COL4A6: variants seen among roughly 807,000 people sequenced by gnomAD.
The protein encoded by COL4A6 is collagen type IV alpha 6 chain.
In COL4A6, 59 loss-of-function variants were observed where a neutral mutation model predicts 126.7. The observed-to-expected ratio is 0.47, with a 90% confidence interval of 0.38 to 0.58. The LOEUF (loss-of-function observed/expected upper bound fraction) is 0.58. Among genes scored for constraint, COL4A6 ranks in the 20% least tolerant of loss-of-function variants. The pLI is 0.00. For missense variants in COL4A6, 1,285 were observed against 1,337.3 expected (o/e 0.96, Z 0.61); for synonymous variants, 547 against 496.6 (o/e 1.10, Z -1.35).
intron 2 of COL4A6, among the ~76,000 whole-genome samples, chrX:108,422,465 C>T (rs1435270545): frequency 1.8e-5 from 2 of 111,670 alleles, no homozygotes; most frequent in Non-Finnish European, 1.9e-5. Context: ...AGAGACAGCA[C>T]TAAAAGGAAA....
At chrX:108,240,452 T>C (rs1488682852) in intron 3 of COL4A6, among the ~76,000 whole-genome samples, 2 of 112,206 alleles carry the variant, frequency 1.8e-5, no homozygotes, top group Admixed American at 1.9e-4. Context: ...AAATTACTAA[T>C]AAAAAAGATA....
Position 108,187,252 on chromosome X carries a change from C to T in COL4A6, c.1795G>A (p.Glu599Lys), listed in dbSNP as rs1169948317. The T allele has an allele frequency of 8.5e-7, 1 of 1,174,528 alleles. No homozygotes were observed. Among genetic ancestry groups the T allele is most frequent in the Non-Finnish European group, 1.1e-6 (1 of 873,477 alleles). Reference sequence around the variant, plus strand: ...CCAGGAAGTCCAGGTAACCCCTTTTCACCTGGGAAGCCCTGTCCACCATCA... The same window carrying T: ...CCAGGAAGTCCAGGTAACCCCTTTTTACCTGGGAAGCCCTGTCCACCATCA... ...PGDGGQGFPG[E>K]KGLPGLPGEK... is the part of the protein sequence containing the mutation. The change falls in exon 23 of 45, where the codon GAA becomes AAA. Residue 599 changes from glutamate (E) to lysine (K), a missense_variant. Physicochemically the swap from Glu to Lys is moderately conservative, Grantham distance 56. Coordinates refer to ENST00000334504, the MANE Select transcript of COL4A6 (RefSeq NM_033641.4).
chrX:108,183,636 G>A lies in COL4A6; in HGVS notation c.1952-2668C>T, dbSNP rs764944503. The A allele has an allele frequency of 8.5e-5, 54 of 637,064 alleles. No individual in the cohort carries two copies. In the African/African-American group the frequency reaches 8.6e-4, roughly 10 times the overall value. The allele number at this position is 637,064 out of a possible 1,213,427, so 52.5% of individuals were successfully genotyped here. A position where few individuals can be genotyped will look rare whatever the true frequency, so the allele number is the denominator to read the frequency against. ...CATCCAGTGTGGTGCTCAGGCCATCGTGACTGTCTGAGACAAAGGTAAACA... is the reference window on the plus strand; with the variant it reads ...CATCCAGTGTGGTGCTCAGGCCATCATGACTGTCTGAGACAAAGGTAAACA... On this transcript the variant is annotated intron_variant, in intron 23 of 44. Coordinates refer to ENST00000334504, the MANE Select transcript of COL4A6 (RefSeq NM_033641.4).
At chrX:108,215,515 T>C (rs1000520861) in intron 5 of COL4A6, among the ~76,000 whole-genome samples, 1 of 111,681 alleles carries the variant, frequency 9.0e-6, no homozygotes, top group Non-Finnish European at 1.9e-5. Flanking sequence ...CTCAGATCTA[T>C]GTCCTAGGAG....
At chrX:108,307,574 C>T (rs2038656261) in intron 3 of COL4A6, among the ~76,000 whole-genome samples, 1 of 112,320 alleles carries the variant, frequency 8.9e-6, no homozygotes, top group African/African-American at 3.2e-5. Flanking sequence ...GAAAAGTACA[C>T]ACTGCCCAGC....
chrX:108,343,021 C>A (rs1462132200), intron 2 of COL4A6, among the ~76,000 whole-genome samples: 10 of 106,311 alleles, frequency 9.4e-5, no homozygotes, highest in African/African-American at 3.5e-4. Flanking sequence ...CTAAGCAGTA[C>A]TTTTTTTAAT....
At chrX:108,360,767 A>T (rs1404736917) in intron 2 of COL4A6, among the ~76,000 whole-genome samples, 1 of 110,074 alleles carries the variant, frequency 9.1e-6, no homozygotes, top group African/African-American at 3.3e-5. Flanking sequence ...CGAACTCCTG[A>T]CCTCGTGATC....
chrX:108,161,617 A>G lies in COL4A6; in HGVS notation c.4333+2T>C. ...CCGCCTCCTAATGTGGCATCATCAG[A>G]CCTTCAAATCCTGGAGGGCCTTGCA... On this transcript the variant is annotated splice_donor_variant, in intron 42 of 44. Coordinates refer to ENST00000334504, the MANE Select transcript of COL4A6 (RefSeq NM_033641.4). LOFTEE classifies it high-confidence loss of function. 1 of 1,094,344 alleles carries G rather than the reference A, an allele frequency of 9.1e-7. No homozygotes were observed. Among genetic ancestry groups the G allele is most frequent in the Non-Finnish European group, 1.2e-6 (1 of 821,989 alleles). 90.2% of individuals were successfully genotyped at this position (1,094,344 alleles called of 1,213,427 possible).
intron 3 of COL4A6, among the ~76,000 whole-genome samples, chrX:108,223,227 T>C (rs993885382): frequency 1.0e-4 from 11 of 110,293 alleles, no homozygotes; most frequent in African/African-American, 3.6e-4. Flanking sequence ...TGCGGGCCTG[T>C]TGAGGGGTGG....
intron 3 of COL4A6, among the ~76,000 whole-genome samples, chrX:108,284,834 T>C (rs139948072): frequency 3.8e-4 from 43 of 112,253 alleles, no homozygotes; most frequent in African/African-American, 1.4e-3. Flanking sequence ...TCATAAAGCA[T>C]CAAGCTTCAA....
intron 2 of COL4A6, among the ~76,000 whole-genome samples, chrX:108,318,092 C>T (rs985775488): frequency 8.9e-6 from 1 of 111,765 alleles, no homozygotes; most frequent in African/African-American, 3.3e-5. Context: ...TAAATGTAAT[C>T]CAGCATATAA....
intron 3 of COL4A6, chrX:108,268,005 G>A (rs992144963): frequency 1.8e-5 from 2 of 111,914 alleles, no homozygotes; most frequent in African/African-American, 6.5e-5. Context: ...AAATGGGCTT[G>A]GCAAAAACAC....
intron 2 of COL4A6, among the ~76,000 whole-genome samples, chrX:108,410,105 G>C (rs141574359): frequency 8.9e-6 from 1 of 111,783 alleles, no homozygotes; most frequent in Admixed American, 9.5e-5. Context: ...CTTATCTCCA[G>C]AGTAGTGCCA....
At chrX:108,333,346 A>T (rs1331409840) in intron 2 of COL4A6, among the ~76,000 whole-genome samples, 1 of 111,750 alleles carries the variant, frequency 8.9e-6, no homozygotes, top group East Asian at 2.8e-4. Flanking sequence ...TGCAGAAAAA[A>T]CATTCGATAA....
rs202101851 is a variant in COL4A6 at position 108,424,340 on chromosome X, T to C, written c.63+13602A>G. On this transcript the variant is annotated intron_variant, in intron 2 of 44. Transcript: ENST00000334504. ...CTCCAATATTTAATAGGACTGCATT[T>C]TGAAAGCAAAGATAAGTCATCAATC... Among the ~76,000 whole-genome samples, 6 of 112,297 alleles carry C rather than the reference T, an allele frequency of 5.3e-5. No homozygotes were observed. In the East Asian group the frequency reaches 8.3e-4, roughly 16 times the overall value.
At chrX:108,191,677 C>A in intron 18 of COL4A6, 144 bp from the exon 19 acceptor site, 2 of 641,166 alleles carry the variant, frequency 3.1e-6, no homozygotes, top group Non-Finnish European at 4.4e-6. Flanking sequence ...TTAGAAGGAT[C>A]CTTAGGGATC....
At chrX:108,317,277 A>G (rs2038901986) in intron 2 of COL4A6, among the ~76,000 whole-genome samples, 2 of 112,337 alleles carry the variant, frequency 1.8e-5, no homozygotes, top group South Asian at 7.5e-4. Flanking sequence ...CAAGGATGCA[A>G]TTGCCATTTA....
chrX:108,384,371 T>C (rs1344226924), intron 2 of COL4A6, among the ~76,000 whole-genome samples: 1 of 112,339 alleles, frequency 8.9e-6, no homozygotes, highest in Admixed American at 9.4e-5. Flanking sequence ...AAATTCAACT[T>C]GGCAGGGGCA....
chrX:108,279,135 C>T (rs1482841042), intron 3 of COL4A6, among the ~76,000 whole-genome samples: 1 of 111,919 alleles, frequency 8.9e-6, no homozygotes, highest in African/African-American at 3.3e-5. Context: ...CAAATTCACA[C>T]ATAACAATAT....
Sources: allele counts gnomAD v4.1 joint callset (sites outside exome capture counted in the v4.1 genomes callset), GRCh38; gene constraint gnomAD v4.1.1; transcripts MANE v1.5; gene names NCBI Gene and HGNC (gene_info 2026-07-23, HGNC 2026-07-21).